The following RBFOX1 variants were observed in gnomAD, a reference collection of about 807,000 sequenced individuals.
RBFOX1 encodes the protein RNA binding protein fox-1 homolog 1.
In RBFOX1, 8 loss-of-function variants were observed where a neutral mutation model predicts 57.7. The observed-to-expected ratio is 0.14, with a 90% CI of 0.08 to 0.25. The LOEUF is 0.25. Among genes scored for constraint, RBFOX1 ranks in the 10% least tolerant of loss-of-function variants. The pLI is 1.00. For synonymous variants in RBFOX1, 326 were observed against 222.4 expected (o/e 1.47, Z -4.15); for missense variants, 611 against 548.5 (o/e 1.11, Z -1.14).
chr16:6,593,106 C>T (rs1182551476), intron 2 of RBFOX1, among the ~76,000 whole-genome samples: 1 of 152,154 alleles, frequency 6.6e-6, no homozygotes, highest in African/African-American at 2.4e-5. Context: ...GCAGGAGAAT[C>T]ACTTGAGCCT....
intron 3 of RBFOX1, among the ~76,000 whole-genome samples, chr16:5,703,326 T>G (rs779419653): frequency 1.3e-5 from 2 of 152,118 alleles, no homozygotes; most frequent in Non-Finnish European, 2.9e-5. Context: ...TGTATAAGAA[T>G]TGGCCATGCA....
intron 1 of RBFOX1, among the ~76,000 whole-genome samples, chr16:6,070,447 T>A (rs1357179834): frequency 6.6e-6 from 1 of 152,194 alleles, no homozygotes; most frequent in Non-Finnish European, 1.5e-5. Flanking sequence ...TTTATAAAGA[T>A]AAGCATAGCC....
At chr16:6,760,249 T>A (rs1011283125) in intron 3 of RBFOX1, among the ~76,000 whole-genome samples, 1 of 152,206 alleles carries the variant, frequency 6.6e-6, no homozygotes, top group African/African-American at 2.4e-5. Flanking sequence ...GGAAACAAAT[T>A]GCAAATGGTT....
At chr16:6,308,550 C>T (rs79896656) in intron 1 of RBFOX1, among the ~76,000 whole-genome samples, 1,959 of 152,210 alleles carry the variant, frequency 0.013, 49 homozygotes, top group African/African-American at 0.045. Context: ...ACATCCTGCT[C>T]GTGTGGCTCT....
chr16:6,520,026 C>T (rs1357921354), intron 2 of RBFOX1, among the ~76,000 whole-genome samples: 7 of 152,256 alleles, frequency 4.6e-5, no homozygotes, highest in African/African-American at 1.7e-4. Flanking sequence ...ACATTGAGAA[C>T]TCATGGGCAT....
At chr16:7,624,748 A>G (rs749276296) in intron 10 of RBFOX1, among the ~76,000 whole-genome samples, 12 of 152,108 alleles carry the variant, frequency 7.9e-5, no homozygotes, top group Non-Finnish European at 1.8e-4. Flanking sequence ...CGGCTGAGTG[A>G]CATTAGGAAA....
At chr16:5,886,971 T>C (rs577533189) in intron 4 of RBFOX1, among the ~76,000 whole-genome samples, 4 of 152,346 alleles carry the variant, frequency 2.6e-5, no homozygotes, top group African/African-American at 9.6e-5. Context: ...CTCAGCACTA[T>C]TGACATTCTG....
chr16:5,366,843 T>G (rs1391903219), intron 1 of RBFOX1, among the ~76,000 whole-genome samples: 1 of 152,252 alleles, frequency 6.6e-6, no homozygotes, highest in African/African-American at 2.4e-5. Flanking sequence ...GAATGTGTTG[T>G]CCAAAATGCC....
At chr16:5,497,594 C>T (rs1210013752) in intron 2 of RBFOX1, among the ~76,000 whole-genome samples, 11 of 134,636 alleles carry the variant, frequency 8.2e-5, no homozygotes, top group Admixed American at 3.8e-4. Flanking sequence ...TTGGCCAACG[C>T]GGTGAAACCC....
At chr16:6,139,713 T>G (rs986492669) in intron 1 of RBFOX1, among the ~76,000 whole-genome samples, 3 of 152,230 alleles carry the variant, frequency 2.0e-5, no homozygotes, top group Non-Finnish European at 1.5e-5. Context: ...TCTTTCTTGC[T>G]CTCTTCCTCA....
intron 4 of RBFOX1, among the ~76,000 whole-genome samples, chr16:7,199,172 T>C (rs557031066): frequency 6.6e-6 from 1 of 152,302 alleles, no homozygotes; most frequent in South Asian, 2.1e-4. Flanking sequence ...GATGGATTTT[T>C]ATGGCAATGC....
chr16:5,402,714 G>A (rs1266062491), intron 1 of RBFOX1, among the ~76,000 whole-genome samples: 5 of 152,066 alleles, frequency 3.3e-5, no homozygotes. Context: ...AAAACCTGAT[G>A]TGGTTTTAAA....
intron 1 of RBFOX1, among the ~76,000 whole-genome samples, chr16:5,396,641 CGAAGAA>C (rs1596839209): frequency 6.6e-6 from 1 of 151,548 alleles, no homozygotes; most frequent in East Asian, 1.9e-4. Context: ...GACTCTGTCT[CGAAGAA>C]AAAGAAAAAG....
At chr16:6,735,053 A>C (rs2069762949) in intron 3 of RBFOX1, among the ~76,000 whole-genome samples, 1 of 151,962 alleles carries the variant, frequency 6.6e-6, no homozygotes, top group East Asian at 1.9e-4. Context: ...ACTGAGGTGG[A>C]GGGATCACTT....
intron 14 of RBFOX1, among the ~76,000 whole-genome samples, chr16:7,678,116 C>T (rs1219062742): frequency 6.6e-6 from 1 of 152,154 alleles, no homozygotes; most frequent in Non-Finnish European, 1.5e-5. Flanking sequence ...CTATCTGGTT[C>T]TATGCAGGTA....
chr16:7,193,417 A>G (rs74835903), intron 4 of RBFOX1, among the ~76,000 whole-genome samples: 14,876 of 152,308 alleles, frequency 0.098, 918 homozygotes, highest in Middle Eastern at 0.2. Flanking sequence ...AGATTTCTGA[A>G]CTACAGAACT....
intron 3 of RBFOX1, among the ~76,000 whole-genome samples, chr16:6,978,888 C>G (rs369434126): frequency 6.6e-6 from 1 of 152,156 alleles, no homozygotes; most frequent in Non-Finnish European, 1.5e-5. Flanking sequence ...ATGATGCTTT[C>G]GGATGCTGCA....
chr16:5,921,931 C>T (rs754485425), intron 4 of RBFOX1, among the ~76,000 whole-genome samples: 2 of 151,720 alleles, frequency 1.3e-5, no homozygotes, highest in East Asian at 1.9e-4. Flanking sequence ...GTGGGAGGAT[C>T]GCTTGAGGCT....
At chr16:7,326,986 A>C (rs2096619963) in intron 4 of RBFOX1, among the ~76,000 whole-genome samples, 1 of 152,166 alleles carries the variant, frequency 6.6e-6, no homozygotes, top group South Asian at 2.1e-4. Flanking sequence ...GAAATGGCAT[A>C]CTTCCTTATT....
Sources: gnomAD v4.1 joint callset for allele counts (sites outside exome capture counted in the v4.1 genomes callset) on GRCh38, gnomAD v4.1.1 for gene constraint, MANE v1.5 for transcripts, NCBI Gene and HGNC (gene_info 2026-07-23, HGNC 2026-07-21) for gene names.